The following TFCP2 variants were observed in gnomAD, a reference collection of about 807,000 sequenced individuals.
TFCP2 encodes alpha-globin transcription factor CP2.
In TFCP2, 33 loss-of-function variants were observed where a neutral mutation model predicts 73.4. The observed-to-expected ratio is 0.45, with a 90% CI of 0.34 to 0.60. The LOEUF (loss-of-function observed/expected upper bound fraction) is 0.60, where lower values mean the gene tolerates loss of function less well. Among genes scored for constraint, TFCP2 ranks in the 20% least tolerant of loss-of-function variants. The probability of loss-of-function intolerance (pLI) is 0.01; values close to 1 mark genes in which losing one functional copy is unlikely to be tolerated. For missense variants in TFCP2, 352 were observed against 604.0 expected (o/e 0.58, Z 4.37); for synonymous variants, 193 against 211.6 (o/e 0.91, Z 0.76).
At chr12:51,166,397 C>T (rs1033012899) in intron 1 of TFCP2, among the ~76,000 whole-genome samples, 1 of 150,228 alleles carries the variant, frequency 6.7e-6, no homozygotes, top group African/African-American at 2.4e-5. Context: ...GACCCTGCCT[C>T]AAAAGAAAAA....
intron 1 of TFCP2, among the ~76,000 whole-genome samples, chr12:51,136,844 G>A (rs1941074241): frequency 6.6e-6 from 1 of 152,194 alleles, no homozygotes; most frequent in African/African-American, 2.4e-5. Context: ...TAGTTGAGAG[G>A]CTGAGGCAGG....
chr12:51,107,560 G>C (rs11169706), intron 6 of TFCP2, among the ~76,000 whole-genome samples: 1 of 152,020 alleles, frequency 6.6e-6, no homozygotes, highest in African/African-American at 2.4e-5. Flanking sequence ...GACATGGAAA[G>C]ATCTCTAAAG....
At chr12:51,122,860 C>T (rs945942287) in intron 1 of TFCP2, among the ~76,000 whole-genome samples, 1 of 152,158 alleles carries the variant, frequency 6.6e-6, no homozygotes, top group Non-Finnish European at 1.5e-5. Flanking sequence ...TAAAACACCA[C>T]AAAACTTAAC....
chr12:51,104,927 T>C (rs567158818), intron 8 of TFCP2, among the ~76,000 whole-genome samples: 1 of 152,068 alleles, frequency 6.6e-6, no homozygotes, highest in South Asian at 2.1e-4. Flanking sequence ...TTAGCCAGGA[T>C]GGTCTCGATC....
intron 13 of TFCP2, 54 bp from the exon 14 acceptor site, chr12:51,096,094 A>G: frequency 6.8e-7 from 1 of 1,480,012 alleles, no homozygotes; most frequent in Non-Finnish European, 9.4e-7. Context: ...ACCCCTTTAT[A>G]TTCCTGTGTC....
intron 1 of TFCP2, among the ~76,000 whole-genome samples, chr12:51,164,234 A>G (rs1238955230): frequency 6.6e-6 from 1 of 152,130 alleles, no homozygotes; most frequent in African/African-American, 2.4e-5. Flanking sequence ...AACAACCACA[A>G]AAACCAAGAA....
At chr12:51,131,541 A>C (rs1344961181) in intron 1 of TFCP2, among the ~76,000 whole-genome samples, 2 of 152,196 alleles carry the variant, frequency 1.3e-5, no homozygotes, top group Non-Finnish European at 2.9e-5. Context: ...TCTACATCTT[A>C]TGAACATCCA....
At chr12:51,158,906 G>A (rs1941592973) in intron 1 of TFCP2, among the ~76,000 whole-genome samples, 1 of 147,370 alleles carries the variant, frequency 6.8e-6, no homozygotes, top group Non-Finnish European at 1.5e-5. Flanking sequence ...GCTCAAGCCT[G>A]TAATCACAGC....
chr12:51,125,820 G>A (rs961343172), intron 1 of TFCP2, among the ~76,000 whole-genome samples: 3 of 152,176 alleles, frequency 2.0e-5, no homozygotes, highest in Non-Finnish European at 4.4e-5. Context: ...ATCACAGGCT[G>A]GGCGTGGTGG....
In TFCP2 at chr12:51,109,291, G is replaced by A. The variant is rs372153169; in HGVS notation, c.565-18C>T. 45 of 1,613,396 alleles carry A rather than the reference G, an allele frequency of 2.8e-5. No individual in the cohort carries two copies. In the African/African-American group the frequency reaches 5.7e-4, roughly 21 times the overall value. On this transcript the variant is annotated intron_variant, in intron 5 of 14. Transcript: ENST00000257915. ...CAGTGCACCTGAAAAGAATACAACA[G>A]CAAGGCTTCAGTACCGCTAGCTAGC...
At chr12:51,150,571 G>A (rs1941400404) in intron 1 of TFCP2, among the ~76,000 whole-genome samples, 2 of 151,908 alleles carry the variant, frequency 1.3e-5, no homozygotes, top group African/African-American at 4.8e-5. Flanking sequence ...GAATGAAAGG[G>A]AAAGTAAAGA....
At chr12:51,140,579 C>T (rs1388852397) in intron 1 of TFCP2, among the ~76,000 whole-genome samples, 1 of 149,864 alleles carries the variant, frequency 6.7e-6, no homozygotes. Context: ...AGCCACTGCA[C>T]CTCGGCCCTC....
At chr12:51,150,503 G>A (rs531659864) in intron 1 of TFCP2, among the ~76,000 whole-genome samples, 77 of 152,030 alleles carry the variant, frequency 5.1e-4, no homozygotes, top group African/African-American at 1.7e-3. Context: ...AATGGATAAC[G>A]TTTGCAGCAA....
chr12:51,118,681 A>C lies in TFCP2; in HGVS notation c.214T>G (p.Cys72Gly). The C allele has an allele frequency of 6.2e-7, 1 of 1,614,232 alleles. No homozygotes were observed. Among genetic ancestry groups the C allele is most frequent in the Non-Finnish European group, 8.5e-7 (1 of 1,180,042 alleles). ...TTCACTGCTGGAGAGGTAGCAGCAC[A>C]AAGCACATATTGAAAAGGCAGGATT... ...NKILPFQYVL[C>G]AATSPAVKLH... The change falls in exon 2 of 15, where the codon TGT (cysteine) becomes GGT (glycine). Residue 72 changes from cysteine to glycine, a missense_variant. Cys to Gly is a radical substitution (Grantham distance 159, BLOSUM62 -3). Transcript: ENST00000257915.
At chr12:51,126,593 G>C (rs1047650794) in intron 1 of TFCP2, among the ~76,000 whole-genome samples, 1 of 152,204 alleles carries the variant, frequency 6.6e-6, no homozygotes, top group African/African-American at 2.4e-5. Context: ...GGGAGAAGGA[G>C]AGGGTTGAAG....
intron 9 of TFCP2, 42 bp from the exon 10 acceptor site, chr12:51,103,805 G>C: frequency 6.6e-7 from 1 of 1,507,726 alleles, no homozygotes; most frequent in South Asian, 1.1e-5. Context: ...AAATAGATTT[G>C]TCTGTTACCC....
intron 14 of TFCP2, 27 bp downstream of exon 14, chr12:51,095,962 A>C: frequency 6.2e-7 from 1 of 1,604,560 alleles, no homozygotes; most frequent in Non-Finnish European, 8.5e-7. Flanking sequence ...TAAACTGCTT[A>C]GAGAAAGATG....
chr12:51,153,203 C>T (rs542743023), intron 1 of TFCP2, among the ~76,000 whole-genome samples: 1 of 152,138 alleles, frequency 6.6e-6, no homozygotes, highest in South Asian at 2.1e-4. Flanking sequence ...AGCAAGACCC[C>T]ATCTCTCTAA....
intron 7 of TFCP2, 109 bp downstream of exon 7, chr12:51,107,127 C>T (rs1040491158): frequency 1.1e-6 from 1 of 871,674 alleles, no homozygotes; most frequent in East Asian, 2.5e-5. Context: ...CCATGTGATA[C>T]TGTGTCCCTC....
Sources: gnomAD v4.1 joint callset for allele counts (sites outside exome capture counted in the v4.1 genomes callset) on GRCh38, gnomAD v4.1.1 for gene constraint, MANE v1.5 for transcripts, NCBI Gene and HGNC (gene_info 2026-07-23, HGNC 2026-07-21) for gene names.